Variants in KLHL5 observed in about 807,000 individuals in gnomAD.
The protein encoded by KLHL5 is kelch-like protein 5.
KLHL5 carries 48 observed loss-of-function variants against 77.7 expected under a neutral mutation model. The ratio of observed to expected loss-of-function variants is 0.62; its 90% CI spans 0.49 to 0.79. The LOEUF (loss-of-function observed/expected upper bound fraction) is 0.79, where lower values mean the gene tolerates loss of function less well. KLHL5 is among the 30% of genes least tolerant of loss of function. KLHL5 has a pLI of 0.00. For missense variants in KLHL5, 723 were observed against 859.7 expected (o/e 0.84, Z 1.99); for synonymous variants, 260 against 297.0 (o/e 0.88, Z 1.28).
In KLHL5 at chr4:39,062,362, G is replaced by A; in HGVS notation, c.-291G>A. ...GAGACCTAATGGTCAGTATGGGAAA[G>A]GAGAGCCGGGAAAGTGGTCTAGCTG... On this transcript the variant is annotated 5_prime_UTR_variant, in exon 1 of 11. Transcript: ENST00000504108. 9 of 1,436,184 alleles carry A rather than the reference G, an allele frequency of 6.3e-6. No individual in the cohort carries two copies. In the Admixed American group the frequency reaches 8.6e-5, roughly 14 times the overall value. 89.0% of individuals were successfully genotyped at this position (1,436,184 alleles called of 1,614,324 possible). A position where few individuals can be genotyped will look rare whatever the true frequency, so the allele number is the denominator to read the frequency against.
chr4:39,120,506 C>A (rs1723140433), intron 10 of KLHL5, among the ~76,000 whole-genome samples: 1 of 152,144 alleles, frequency 6.6e-6, no homozygotes, highest in Non-Finnish European at 1.5e-5. Context: ...TTCAGCCATG[C>A]ACGTAGAAGG....
chr4:39,049,407 G>A (rs1716455380), intron 1 of KLHL5, among the ~76,000 whole-genome samples: 1 of 152,196 alleles, frequency 6.6e-6, no homozygotes, highest in Non-Finnish European at 1.5e-5. Flanking sequence ...TAAGGGGCCA[G>A]GTGTAGTGGC....
the KLHL5 span, among the ~76,000 whole-genome samples, chr4:39,140,605 C>T: frequency 1.3e-5 from 2 of 152,136 alleles, no homozygotes; most frequent in Non-Finnish European, 2.9e-5. Flanking sequence ...ACATGTTCTC[C>T]ACATCCTAGG....
At chr4:39,117,577 C>A (rs192624996) in intron 10 of KLHL5, among the ~76,000 whole-genome samples, 53 of 152,170 alleles carry the variant, frequency 3.5e-4, no homozygotes, top group Non-Finnish European at 6.9e-4. Context: ...CACACACTTA[C>A]TGGGTTGAAT....
the KLHL5 span, among the ~76,000 whole-genome samples, chr4:39,140,322 A>C: frequency 1.3e-5 from 2 of 152,208 alleles, no homozygotes; most frequent in Non-Finnish European, 2.9e-5. Context: ...AACAACTGTC[A>C]ACTTGAATGG....
chr4:39,086,432 T>C (rs1001447942), intron 4 of KLHL5, 83 bp from the exon 5 acceptor site: 24 of 1,003,340 alleles, frequency 2.4e-5, no homozygotes, highest in Admixed American at 1.7e-4. Flanking sequence ...TGGTAGCTAA[T>C]ATAAAAAGCT....
intron 1 of KLHL5, among the ~76,000 whole-genome samples, chr4:39,054,105 T>C (rs1321878286): frequency 6.6e-6 from 1 of 152,232 alleles, no homozygotes; most frequent in African/African-American, 2.4e-5. Flanking sequence ...TCAGATATTA[T>C]CGGCAAAGAA....
In KLHL5 at chr4:39,121,960, C is replaced by T. The variant is rs1201373367; in HGVS notation, c.*894C>T. ...CTTATGTTCTCAAGTCTGTATCTGC[C>T]TCCCCTGCCTTATTTCTTATGTTTT... On this transcript the variant is annotated 3_prime_UTR_variant, in exon 11 of 11. Coordinates refer to ENST00000504108, the MANE Select transcript of KLHL5 (RefSeq NM_015990.5). 1 of 152,412 alleles carries T rather than the reference C, an allele frequency of 6.6e-6. No individual in the cohort carries two copies. Among genetic ancestry groups the T allele is most frequent in the Non-Finnish European group, 1.5e-5 (1 of 67,984 alleles). The allele number at this position is 152,412 out of a possible 1,614,324, so 9.4% of individuals were successfully genotyped here. A position where few individuals can be genotyped will look rare whatever the true frequency, so the allele number is the denominator to read the frequency against.
intron 7 of KLHL5, among the ~76,000 whole-genome samples, chr4:39,104,145 G>T (rs1721847118): frequency 6.6e-6 from 1 of 152,036 alleles, no homozygotes; most frequent in Non-Finnish European, 1.5e-5. Flanking sequence ...TGGGAATGGT[G>T]GTGGGTACAG....
chr4:39,113,938 T>C (rs771457201), intron 9 of KLHL5, among the ~76,000 whole-genome samples: 51 of 151,844 alleles, frequency 3.4e-4, no homozygotes, highest in Admixed American at 4.6e-4. Context: ...TAAAGAAAAA[T>C]AGGAAGTTAA....
At chr4:39,084,302 G>T (rs926408245) in intron 4 of KLHL5, among the ~76,000 whole-genome samples, 1 of 152,136 alleles carries the variant, frequency 6.6e-6, no homozygotes, top group African/African-American at 2.4e-5. Context: ...CATGAATCTG[G>T]AAACCTGTTT....
the KLHL5 span, among the ~76,000 whole-genome samples, chr4:39,132,979 A>C: frequency 6.6e-6 from 1 of 152,232 alleles, no homozygotes; most frequent in African/African-American, 2.4e-5. Flanking sequence ...TAAAAATGTT[A>C]AATGATAGTC....
At chr4:39,103,215 A>T in intron 6 of KLHL5, 72 bp from the exon 7 acceptor site, 1 of 1,025,234 alleles carries the variant, frequency 9.8e-7, no homozygotes, top group Admixed American at 2.5e-5. Context: ...ATATTTTTGT[A>T]TCTGTAATTT....
At chr4:39,139,614 C>T in the KLHL5 span, among the ~76,000 whole-genome samples, 826 of 152,026 alleles carry the variant, frequency 5.4e-3, 7 homozygotes, top group Admixed American at 0.019. Flanking sequence ...AGGTTGATAA[C>T]GGGGGAAGGC....
At chr4:39,078,452 T>G (rs1170517371) in intron 2 of KLHL5, among the ~76,000 whole-genome samples, 1 of 151,206 alleles carries the variant, frequency 6.6e-6, no homozygotes, top group Non-Finnish European at 1.5e-5. Context: ...CCTAGCGCTT[T>G]GGAAGGCCGA....
In KLHL5 at chr4:39,114,606, G is replaced by A. The variant is rs184651371; in HGVS notation, c.1902-553G>A. On this transcript the variant is annotated intron_variant, in intron 9 of 10. Coordinates refer to ENST00000504108, the MANE Select transcript of KLHL5 (RefSeq NM_015990.5). ...CAATTGAGACCTATGCTCGTTGCAT[G>A]TTGTAATCCAGGAAAGGAATGTGGA... 3.9e-5 allele frequency among the ~76,000 whole-genome samples: 6 copies of A among 152,270 alleles called. No homozygotes were observed. The East Asian group carries it at 9.6e-4, about 24-fold the overall frequency.
At chr4:39,139,503 T>C in the KLHL5 span, among the ~76,000 whole-genome samples, 1 of 151,986 alleles carries the variant, frequency 6.6e-6, no homozygotes, top group Non-Finnish European at 1.5e-5. Flanking sequence ...ACTCACAGAA[T>C]GTACCACACC....
the KLHL5 span, among the ~76,000 whole-genome samples, chr4:39,139,174 CGGGAGGCTGA>C: frequency 6.6e-6 from 1 of 151,286 alleles, no homozygotes; most frequent in Non-Finnish European, 1.5e-5. Flanking sequence ...CCCAGCTACT[CGGGAGGCTGA>C]GGCAGGAGAA....
chr4:39,112,869 T>C (rs1722549536), intron 8 of KLHL5, 151 bp from the exon 9 acceptor site: 3 of 651,924 alleles, frequency 4.6e-6, no homozygotes, highest in Non-Finnish European at 7.8e-6. Context: ...ATTTCAAACA[T>C]AGCATACTTT....
Sources: allele counts gnomAD v4.1 joint callset (sites outside exome capture counted in the v4.1 genomes callset), GRCh38; gene constraint gnomAD v4.1.1; transcripts MANE v1.5; gene names NCBI Gene and HGNC (gene_info 2026-07-23, HGNC 2026-07-21).